VSIG10: variants seen among roughly 807,000 people sequenced by gnomAD.
VSIG10 encodes V-set and immunoglobulin domain-containing protein 10.
A neutral mutation model predicts 58.7 loss-of-function variants in VSIG10; 48 were observed. The observed-to-expected ratio is 0.82, with a 90% CI of 0.65 to 1.04. VSIG10 has a LOEUF of 1.04. Among genes scored for constraint, VSIG10 ranks in the 50% least tolerant of loss-of-function variants. The probability of loss-of-function intolerance (pLI) is 0.00; values close to 1 mark genes in which losing one functional copy is unlikely to be tolerated. For missense variants in VSIG10, 628 were observed against 670.0 expected (o/e 0.94, Z 0.69); for synonymous variants, 260 against 267.1 (o/e 0.97, Z 0.26).
intron 1 of VSIG10, among the ~76,000 whole-genome samples, chr12:118,099,039 C>T (rs2033553222): frequency 1.3e-5 from 2 of 151,568 alleles, no homozygotes; most frequent in South Asian, 4.2e-4. Flanking sequence ...TATACCTGGC[C>T]CAGCATCTGT....
intron 2 of VSIG10, among the ~76,000 whole-genome samples, chr12:118,085,976 G>T (rs886646236): frequency 2.0e-5 from 3 of 151,968 alleles, no homozygotes; most frequent in Non-Finnish European, 4.4e-5. Flanking sequence ...TGGCCAACAT[G>T]GTGAAACCCT....
At position 118,087,837 on chromosome 12, in the gene VSIG10, C is replaced by CAAAAAA. The variant is rs10654315; in HGVS notation, c.362-5414_362-5409dup. On this transcript the variant is annotated intron_variant, in intron 2 of 8. Coordinates refer to ENST00000359236, the MANE Select transcript of VSIG10 (RefSeq NM_019086.6). ...TGGGTGACAGAGTGAGATCCTGTCT[C>CAAAAAA]AAAAAAAAAAAAAAAAAAAGAGAGA... Among the ~76,000 whole-genome samples the CAAAAAA allele has an allele frequency of 2.9e-3, 182 of 62,586 alleles. 9 individuals carry two copies. Among genetic ancestry groups the CAAAAAA allele is most frequent in the African/African-American group, 8.0e-3 (146 of 18,336 alleles). The allele number at this position is 62,586 out of a possible 152,430, so 41.1% of individuals were successfully genotyped here. A position where few individuals can be genotyped will look rare whatever the true frequency, so the allele number is the denominator to read the frequency against.
Position 118,073,917 on chromosome 12 carries a change from G to T in VSIG10, c.1001C>A (p.Ser334Tyr). The change falls in exon 5 of 9, where the codon TCT becomes TAT. Residue 334 changes from serine (S) to tyrosine (Y), a missense_variant. Transcript: ENST00000359236. ...GGNVTLTCQV[S>Y]GAYPPAKILW... is the part of the protein sequence containing the mutation. ...GATCTTGGCAGGGGGGTAGGCCCCAGACACCTGGCATGTAAGCGTCACATT... is the reference window on the plus strand; with the variant it reads ...GATCTTGGCAGGGGGGTAGGCCCCATACACCTGGCATGTAAGCGTCACATT... The T allele has an allele frequency of 6.2e-7, 1 of 1,613,270 alleles. No individual in the cohort carries two copies. The highest frequency in any genetic ancestry group is 8.5e-7 in the Non-Finnish European group (1 of 1,179,408).
chr12:118,099,704 G>A (rs1281293363), intron 1 of VSIG10, among the ~76,000 whole-genome samples: 1 of 152,144 alleles, frequency 6.6e-6, no homozygotes, highest in Non-Finnish European at 1.5e-5. Context: ...ACTTAAAAAG[G>A]GTGAATTTTG....
At chr12:118,066,995 T>C (rs1459017347) in intron 8 of VSIG10, among the ~76,000 whole-genome samples, 1 of 152,154 alleles carries the variant, frequency 6.6e-6, no homozygotes, top group Non-Finnish European at 1.5e-5. Context: ...CCTTGCTTCA[T>C]GTCTACCTCT....
rs2032245667 is a variant in VSIG10 at position 118,066,323 on chromosome 12, A to C, written c.*316T>G. Reference sequence around the variant, plus strand: ...CTTCCCTGACCTCTGTTCCCTCTAAATCAGCATCTATCACAGTAGATCAAC... The same window carrying C: ...CTTCCCTGACCTCTGTTCCCTCTAACTCAGCATCTATCACAGTAGATCAAC... On this transcript the variant is annotated 3_prime_UTR_variant, in exon 9 of 9. Coordinates refer to ENST00000359236, the MANE Select transcript of VSIG10 (RefSeq NM_019086.6). 1 of 369,902 alleles carries C rather than the reference A, an allele frequency of 2.7e-6. No homozygotes were observed. Among genetic ancestry groups the C allele is most frequent in the Admixed American group, 4.2e-5 (1 of 23,564 alleles). 22.9% of individuals were successfully genotyped at this position (369,902 alleles called of 1,614,324 possible).
In VSIG10 at chr12:118,079,409, A is replaced by C. The variant is rs1262787454; in HGVS notation, c.862T>G (p.Phe288Val). The part of the protein sequence containing the change: ...SESQLSDGKK[F>V]KCVTSHIVGP... ...ACTATGTGGCTTGTAACACACTTGA[A>C]CTTCTTGCCATCCGACAGCTGGGAC... Residue 288 changes from phenylalanine to valine, a missense_variant, in exon 4 of 9, where the codon TTC (phenylalanine) becomes GTC (valine). Transcript: ENST00000359236. 1.2e-5 allele frequency: 19 copies of C among 1,613,784 alleles called. No homozygotes were observed. Among genetic ancestry groups the C allele is most frequent in the Non-Finnish European group, 1.5e-5 (18 of 1,179,886 alleles).
At chr12:118,098,016 C>T (rs549867543) in intron 1 of VSIG10, among the ~76,000 whole-genome samples, 2 of 152,134 alleles carry the variant, frequency 1.3e-5, no homozygotes, top group African/African-American at 2.4e-5. Context: ...AGCTAGTCAT[C>T]GATCCCCAGG....
rs564428669 is a variant in VSIG10, at chr12:118,063,932, C to T, written c.*2707G>A. The T allele has an allele frequency of 5.9e-5, 9 of 152,192 alleles. No homozygotes were observed. Among genetic ancestry groups the T allele is most frequent in the South Asian group, 2.1e-4 (1 of 4,822 alleles). 9.4% of individuals were successfully genotyped at this position (152,192 alleles called of 1,614,324 possible). ...ATCAAAGCCACAGAATTGTGGAGGC[C>T]CCCTTCCCAGGCTCCACCAGGGTTT... On this transcript the variant is annotated 3_prime_UTR_variant, in exon 9 of 9. Coordinates refer to ENST00000359236, the MANE Select transcript of VSIG10 (RefSeq NM_019086.6).
Position 118,082,254 on chromosome 12 carries a change from G to A in VSIG10, c.537C>T (p.His179=). 1 of 1,613,992 alleles carries A rather than the reference G, an allele frequency of 6.2e-7. No individual in the cohort carries two copies. The highest frequency in any genetic ancestry group is 8.5e-7 in the Non-Finnish European group (1 of 1,179,888). The change falls in exon 3 of 9, where the codon CAC becomes CAT. Residue 179 remains histidine (H), a synonymous_variant. Transcript: ENST00000359236. ...GTGAGAAAAAGTTGACTGTCAGGTT[G>A]TGGCCAAAGGACTCGCTGCTGGAAT... ...ALNSSSESFG[H]NLTVNFFSLL...
intron 3 of VSIG10, 25 bp downstream of exon 3, chr12:118,082,102 G>A: frequency 1.9e-6 from 3 of 1,606,324 alleles, no homozygotes; most frequent in Admixed American, 3.3e-5. Context: ...GGAAGAAGCG[G>A]GGCAGAGGAG....
chr12:118,069,298 C>A (rs2032383930), intron 7 of VSIG10, among the ~76,000 whole-genome samples: 1 of 151,736 alleles, frequency 6.6e-6, no homozygotes, highest in South Asian at 2.1e-4. Flanking sequence ...ACATGTTGGC[C>A]AGGCTGGTCT....
At chr12:118,076,697 T>C (rs1356907885) in intron 4 of VSIG10, among the ~76,000 whole-genome samples, 2 of 151,986 alleles carry the variant, frequency 1.3e-5, no homozygotes, top group African/African-American at 4.8e-5. Context: ...AGACAGAGTT[T>C]CACTCTGACA....
chr12:118,098,931 G>GGC (rs2033550157), intron 1 of VSIG10, among the ~76,000 whole-genome samples: 1 of 149,272 alleles, frequency 6.7e-6, no homozygotes, highest in South Asian at 2.2e-4. Flanking sequence ...GGTTGGGGGG[G>GGC]GTCTCACTCT....
At chr12:118,076,363 G>T (rs1001436993) in intron 4 of VSIG10, among the ~76,000 whole-genome samples, 3 of 149,398 alleles carry the variant, frequency 2.0e-5, no homozygotes, top group Non-Finnish European at 4.4e-5. Flanking sequence ...AATTATGCAC[G>T]GTCCCTTTTT....
At chr12:118,067,050 C>T (rs2032273851) in intron 8 of VSIG10, among the ~76,000 whole-genome samples, 1 of 151,890 alleles carries the variant, frequency 6.6e-6, no homozygotes, top group Non-Finnish European at 1.5e-5. Flanking sequence ...GGGCTCTTAT[C>T]TTTCTCTGAG....
intron 2 of VSIG10, 107 bp from the exon 3 acceptor site, chr12:118,082,536 T>C: frequency 8.6e-7 from 1 of 1,157,756 alleles, no homozygotes; most frequent in Non-Finnish European, 1.2e-6. Context: ...ATGAAGAGTA[T>C]GGTATCTATC....
At chr12:118,098,573 T>C (rs371123206) in intron 1 of VSIG10, among the ~76,000 whole-genome samples, 44 of 152,098 alleles carry the variant, frequency 2.9e-4, no homozygotes, top group African/African-American at 9.9e-4. Context: ...AAAGAGACAA[T>C]AAACTGGCAA....
chr12:118,074,090 G>A, intron 4 of VSIG10, 98 bp from the exon 5 acceptor site: 5 of 1,402,036 alleles, frequency 3.6e-6, no homozygotes, highest in Non-Finnish European at 4.7e-6. Flanking sequence ...GTTTTGTTTT[G>A]TTTTGTTTTG....
Sources: gnomAD v4.1 joint callset for allele counts (sites outside exome capture counted in the v4.1 genomes callset) on GRCh38, gnomAD v4.1.1 for gene constraint, MANE v1.5 for transcripts, NCBI Gene and HGNC (gene_info 2026-07-23, HGNC 2026-07-21) for gene names.